Variants in TAF2 observed in about 807,000 individuals in gnomAD.
TAF2 encodes TATA-box binding protein associated factor 2, also known as transcription initiation factor TFIID subunit 2.
A neutral mutation model predicts 138.5 loss-of-function variants in TAF2; 61 were observed. The ratio of observed to expected loss-of-function variants is 0.44; its 90% CI spans 0.36 to 0.54. The LOEUF (loss-of-function observed/expected upper bound fraction) is 0.54. TAF2 is among the 20% of genes least tolerant of loss of function. The pLI, the probability that TAF2 is intolerant of heterozygous loss-of-function variation, is 0.00. For missense variants in TAF2, 1,090 were observed against 1,427.9 expected (o/e 0.76, Z 3.81); for synonymous variants, 475 against 469.9 (o/e 1.01, Z -0.14).
chr8:119,780,724 A>G (rs1328047260), intron 17 of TAF2, among the ~76,000 whole-genome samples: 1 of 152,096 alleles, frequency 6.6e-6, no homozygotes, highest in Non-Finnish European at 1.5e-5. Context: ...TCACAGGGTC[A>G]GGAGATGAAA....
At chr8:119,758,044 TATCATAGC>T (rs1563836333) in intron 21 of TAF2, 21 bp downstream of exon 21, 1 of 1,588,118 alleles carries the variant, frequency 6.3e-7, no homozygotes, top group Admixed American at 1.7e-5. Flanking sequence ...ACTTACAAAA[TATCATAGC>T]ATCATAGCAC....
chr8:119,761,547 A>T (rs2063282), intron 19 of TAF2: 70,504 of 152,000 alleles, frequency 0.46, 17,053 homozygotes, highest in African/African-American at 0.58. Context: ...ACAACTATAA[A>T]CCCAGCACTT....
chr8:119,786,897 G>T (rs1823050658), intron 14 of TAF2, among the ~76,000 whole-genome samples: 1 of 152,016 alleles, frequency 6.6e-6, no homozygotes, highest in South Asian at 2.1e-4. Context: ...CTCCAGACTG[G>T]GTGACAGAGC....
Position 119,731,482 on chromosome 8 carries a change from G to A in TAF2, c.*442C>T, listed in dbSNP as rs1818874606. The A allele has an allele frequency of 4.9e-6, 1 of 203,974 alleles. No individual in the cohort carries two copies. Among genetic ancestry groups the A allele is most frequent in the African/African-American group, 2.3e-5 (1 of 42,884 alleles). The allele number at this position is 203,974 out of a possible 1,614,324, so 12.6% of individuals were successfully genotyped here. A position where few individuals can be genotyped will look rare whatever the true frequency, so the allele number is the denominator to read the frequency against. Reference sequence around the variant, plus strand: ...TGTCTTTTCAGTAGTTCCAAATGGTGTTATACAATATTTCACTGGAGATAG... The same window carrying A: ...TGTCTTTTCAGTAGTTCCAAATGGTATTATACAATATTTCACTGGAGATAG... On this transcript the variant is annotated 3_prime_UTR_variant, in exon 26 of 26. Transcript: ENST00000378164.
At chr8:119,822,696 T>C (rs1463532325) in intron 2 of TAF2, among the ~76,000 whole-genome samples, 1 of 152,170 alleles carries the variant, frequency 6.6e-6, no homozygotes, top group Non-Finnish European at 1.5e-5. Context: ...CATCACTGCT[T>C]AGAACTGCTC....
chr8:119,830,242 A>G (rs1012922438), intron 2 of TAF2, among the ~76,000 whole-genome samples: 4 of 152,138 alleles, frequency 2.6e-5, no homozygotes, highest in Non-Finnish European at 2.9e-5. Context: ...CCTTAATTCT[A>G]ATATTAGGAT....
rs1824637783 is a variant in TAF2 at position 119,806,262 on chromosome 8, AAT to A, written c.418+19_418+20del. 6.3e-7 allele frequency: 1 copy of A among 1,584,072 alleles called. No individual in the cohort carries two copies. Among genetic ancestry groups the A allele is most frequent in the African/African-American group, 1.3e-5 (1 of 74,394 alleles). On this transcript the variant is annotated intron_variant, in intron 4 of 25. Transcript: ENST00000378164. ...TCTAACGTGATTTTAGTGTACAGTC[AAT>A]ATACTCTTGGTGCTTTACCATCAAC... is the stretch of plus-strand genomic sequence containing the variant.
intron 24 of TAF2, among the ~76,000 whole-genome samples, chr8:119,743,033 C>T (rs1181691264): frequency 6.6e-6 from 1 of 151,782 alleles, no homozygotes; most frequent in African/African-American, 2.4e-5. Context: ...GGCACTACCG[C>T]ACTCCAGCCT....
intron 22 of TAF2, among the ~76,000 whole-genome samples, chr8:119,752,497 C>G (rs915957999): frequency 1.3e-5 from 2 of 152,004 alleles, no homozygotes; most frequent in African/African-American, 4.8e-5. Flanking sequence ...ACCAAGAGCC[C>G]TCAGTTTCTG....
intron 18 of TAF2, among the ~76,000 whole-genome samples, chr8:119,775,928 A>G (rs1822199564): frequency 6.6e-6 from 1 of 152,210 alleles, no homozygotes; most frequent in East Asian, 1.9e-4. Flanking sequence ...AGTTTTAGTT[A>G]CCAGTTATTA....
At chr8:119,826,405 T>G (rs1586554148) in intron 2 of TAF2, among the ~76,000 whole-genome samples, 1 of 152,284 alleles carries the variant, frequency 6.6e-6, no homozygotes, top group East Asian at 1.9e-4. Flanking sequence ...CCCAGCCACA[T>G]GGAACTGTGA....
intron 15 of TAF2, 105 bp from the exon 16 acceptor site, chr8:119,783,738 G>A: frequency 7.2e-7 from 1 of 1,390,220 alleles, no homozygotes; most frequent in Non-Finnish European, 9.7e-7. Context: ...CCTTTTAGAT[G>A]TAGTATTCAA....
intron 3 of TAF2, among the ~76,000 whole-genome samples, chr8:119,812,539 C>T (rs1453118597): frequency 6.6e-6 from 1 of 152,026 alleles, no homozygotes; most frequent in Non-Finnish European, 1.5e-5. Flanking sequence ...TTCACATACC[C>T]ATAGCTTAGT....
chr8:119,770,886 C>T (rs1419495365), intron 18 of TAF2, among the ~76,000 whole-genome samples: 1 of 152,146 alleles, frequency 6.6e-6, no homozygotes, highest in African/African-American at 2.4e-5. Flanking sequence ...GCCTGGGCAA[C>T]ATGGTGAAAA....
chr8:119,798,681 A>AATT (rs1473872290), intron 6 of TAF2, among the ~76,000 whole-genome samples: 1 of 152,240 alleles, frequency 6.6e-6, no homozygotes, highest in Non-Finnish European at 1.5e-5. Context: ...ATTACGGTCA[A>AATT]ATTATAGAAG....
chr8:119,805,166 C>T (rs1463017231), intron 4 of TAF2, among the ~76,000 whole-genome samples: 1 of 152,110 alleles, frequency 6.6e-6, no homozygotes, highest in African/African-American at 2.4e-5. Context: ...AAACTTTATA[C>T]AAGACACAAA....
intron 22 of TAF2, among the ~76,000 whole-genome samples, chr8:119,747,830 A>G (rs1193163547): frequency 6.6e-6 from 1 of 152,060 alleles, no homozygotes; most frequent in Non-Finnish European, 1.5e-5. Flanking sequence ...TCTTGAGAAG[A>G]AAAAAAACCC....
chr8:119,794,229 C>G (rs1823655587), intron 9 of TAF2, among the ~76,000 whole-genome samples: 1 of 152,052 alleles, frequency 6.6e-6, no homozygotes, highest in African/African-American at 2.4e-5. Context: ...AATCCCGTCT[C>G]TACTAAAAAT....
chr8:119,812,868 G>A (rs945852602), intron 3 of TAF2, among the ~76,000 whole-genome samples: 2 of 152,016 alleles, frequency 1.3e-5, no homozygotes, highest in African/African-American at 4.8e-5. Context: ...ACTTAGGCTG[G>A]TTCCATATCT....
Sources: allele counts gnomAD v4.1 joint callset (sites outside exome capture counted in the v4.1 genomes callset), GRCh38; gene constraint gnomAD v4.1.1; transcripts MANE v1.5; gene names NCBI Gene and HGNC (gene_info 2026-07-23, HGNC 2026-07-21).